The following ADAMTSL1 variants were observed in gnomAD, a reference collection of about 807,000 sequenced individuals.
ADAMTSL1 encodes the protein ADAMTS-like protein 1.
A neutral mutation model predicts 201.8 loss-of-function variants in ADAMTSL1; 126 were observed. The observed-to-expected ratio is 0.62, with a 90% CI of 0.54 to 0.72. The LOEUF is 0.72. Among genes scored for constraint, ADAMTSL1 ranks in the 30% least tolerant of loss-of-function variants. The pLI is 0.00. For synonymous variants in ADAMTSL1, 1,121 were observed against 903.4 expected (o/e 1.24, Z -4.32); for missense variants, 2,679 against 2,277.8 (o/e 1.18, Z -3.59).
chr9:17,946,148 C>T (rs1827465299), intron 1 of ADAMTSL1, among the ~76,000 whole-genome samples: 1 of 149,668 alleles, frequency 6.7e-6, no homozygotes, highest in Non-Finnish European at 1.5e-5. Flanking sequence ...CTCTCATGAC[C>T]ACCATGCCCA....
chr9:18,133,814 T>G (rs1161918332), intron 1 of ADAMTSL1, among the ~76,000 whole-genome samples: 1 of 152,114 alleles, frequency 6.6e-6, no homozygotes, highest in Non-Finnish European at 1.5e-5. Flanking sequence ...AAGAATTACT[T>G]AAAATATTTT....
At chr9:18,770,329 T>C (rs1309570823) in intron 16 of ADAMTSL1, among the ~76,000 whole-genome samples, 1 of 152,216 alleles carries the variant, frequency 6.6e-6, no homozygotes. Flanking sequence ...CTGCAAATCA[T>C]AGTTCAGGAG....
At position 18,178,084 on chromosome 9, in the gene ADAMTSL1, A is replaced by T. The variant is rs147992194; in HGVS notation, c.207+14103A>T. The stretch of plus-strand genomic sequence containing the variant: ...CTCCCAGCATGAGCGACGCAGAAGA[A>T]GGGTGATTTCTGCATTTCCATCTGA... On this transcript the variant is annotated intron_variant, in intron 2 of 29. Coordinates refer to the ADAMTSL1 transcript ENST00000680146. Among the ~76,000 whole-genome samples, 658 of 152,288 alleles carry T rather than the reference A, an allele frequency of 4.3e-3. 5 individuals are homozygous for T. Among genetic ancestry groups the T allele is most frequent in the African/African-American group, 0.015 (612 of 41,584 alleles).
intron 23 of ADAMTSL1, 76 bp from the exon 24 acceptor site, chr9:18,887,755 C>A (rs731370): frequency 0.66 from 874,171 of 1,324,030 alleles, 290,742 homozygotes; most frequent in African/African-American, 0.83. Context: ...TAGAGCCACA[C>A]AGACAGTAAA....
rs1041141702 is a variant in ADAMTSL1, at chr9:17,977,131, G to C, written c.87+70209G>C. Among the ~76,000 whole-genome samples the C allele has an allele frequency of 5.9e-5, 9 of 151,890 alleles. 1 individual carries two copies. Among genetic ancestry groups the C allele is most frequent in the Admixed American group, 3.9e-4 (6 of 15,224 alleles). On this transcript the variant is annotated intron_variant, in intron 1 of 29. Transcript: ENST00000680146. ...GTTAATGGGGTGTATCACATTTATT[G>C]GTTTGTGTATGTTAAAATATCCTTG... is the stretch of plus-strand genomic sequence containing the variant.
intron 4 of ADAMTSL1, among the ~76,000 whole-genome samples, chr9:18,597,957 A>G (rs1824373286): frequency 6.6e-6 from 1 of 152,142 alleles, no homozygotes; most frequent in Non-Finnish European, 1.5e-5. Flanking sequence ...TGTCATCTCT[A>G]TTGCCTCTTT....
chr9:18,489,585 C>T (rs1822167821), intron 1 of ADAMTSL1, among the ~76,000 whole-genome samples: 1 of 152,176 alleles, frequency 6.6e-6, no homozygotes, highest in African/African-American at 2.4e-5. Flanking sequence ...GAAATTAAAA[C>T]CTTCCTGAGC....
chr9:18,122,585 G>T (rs1020694122), intron 1 of ADAMTSL1, among the ~76,000 whole-genome samples: 6 of 152,148 alleles, frequency 3.9e-5, no homozygotes, highest in Non-Finnish European at 5.9e-5. Flanking sequence ...GTTTTCTGTG[G>T]TTTTTTTGAA....
At chr9:18,511,160 G>A (rs1176404165) in intron 2 of ADAMTSL1, among the ~76,000 whole-genome samples, 1 of 152,114 alleles carries the variant, frequency 6.6e-6, no homozygotes, top group African/African-American at 2.4e-5. Context: ...TAGGTGTGAT[G>A]TGAACCTTTG....
chr9:18,752,174 ATAAC>A (rs1342892487), intron 15 of ADAMTSL1, among the ~76,000 whole-genome samples: 2 of 152,208 alleles, frequency 1.3e-5, no homozygotes, highest in African/African-American at 4.8e-5. Context: ...TAACTGGAGA[ATAAC>A]AAACAGATTA....
chr9:18,860,508 TAA>T (rs11385571), intron 23 of ADAMTSL1, among the ~76,000 whole-genome samples: 3 of 146,796 alleles, frequency 2.0e-5, no homozygotes, highest in Admixed American at 6.8e-5. Flanking sequence ...ATCTGGCCCT[TAA>T]AAAAAAAAAA....
At chr9:18,385,767 C>G (rs1837766927) in intron 2 of ADAMTSL1, among the ~76,000 whole-genome samples, 1 of 152,032 alleles carries the variant, frequency 6.6e-6, no homozygotes, top group African/African-American at 2.4e-5. Context: ...TGTGGTTTTC[C>G]CCACTCCAGT....
intron 1 of ADAMTSL1, 120 bp from the exon 2 acceptor site, chr9:18,504,709 G>A (rs959127248): frequency 7.5e-7 from 1 of 1,335,134 alleles, no homozygotes; most frequent in Admixed American, 1.8e-5. Context: ...ATCTGATTGC[G>A]CGTTTTCATT....
chr9:18,025,654 G>T (rs1213943877), intron 1 of ADAMTSL1, among the ~76,000 whole-genome samples: 1 of 152,056 alleles, frequency 6.6e-6, no homozygotes, highest in African/African-American at 2.4e-5. Context: ...GGTTACTGTG[G>T]CCTTGTGATA....
chr9:18,337,518 C>A (rs1835291857), intron 2 of ADAMTSL1, among the ~76,000 whole-genome samples: 1 of 152,096 alleles, frequency 6.6e-6, no homozygotes, highest in Non-Finnish European at 1.5e-5. Context: ...TTGTTTCTTT[C>A]CTATCAGTAT....
intron 1 of ADAMTSL1, among the ~76,000 whole-genome samples, chr9:18,077,976 G>A (rs1466604844): frequency 6.6e-6 from 1 of 152,174 alleles, no homozygotes; most frequent in Non-Finnish European, 1.5e-5. Context: ...CGAAGAAAGA[G>A]ATATATTTGT....
At chr9:18,588,058 T>A (rs932986247) in intron 4 of ADAMTSL1, among the ~76,000 whole-genome samples, 2 of 152,178 alleles carry the variant, frequency 1.3e-5, no homozygotes, top group East Asian at 3.9e-4. Context: ...TACTGTTTTC[T>A]ATAATGAGTG....
At chr9:18,059,089 C>T (rs1337528555) in intron 1 of ADAMTSL1, among the ~76,000 whole-genome samples, 2 of 152,174 alleles carry the variant, frequency 1.3e-5, no homozygotes, top group East Asian at 1.9e-4. Flanking sequence ...CCCTTCTTTG[C>T]TTCTTTCTTT....
chr9:18,079,827 G>T (rs1351512087), intron 1 of ADAMTSL1, among the ~76,000 whole-genome samples: 2 of 152,152 alleles, frequency 1.3e-5, no homozygotes, highest in Non-Finnish European at 2.9e-5. Flanking sequence ...ACAGGCACAT[G>T]AGGTTGGAAG....
Sources: allele counts gnomAD v4.1 joint callset (sites outside exome capture counted in the v4.1 genomes callset), GRCh38; gene constraint gnomAD v4.1.1; transcripts MANE v1.5; gene names NCBI Gene and HGNC (gene_info 2026-07-23, HGNC 2026-07-21).